DLGAP2: variants seen among roughly 807,000 people sequenced by gnomAD.
DLGAP2 encodes DLG associated protein 2.
A neutral mutation model predicts 100.3 loss-of-function variants in DLGAP2; 26 were observed. The observed-to-expected ratio is 0.26, with a 90% CI of 0.19 to 0.36. The LOEUF (loss-of-function observed/expected upper bound fraction) is 0.36. DLGAP2 is among the 10% of genes least tolerant of loss of function. The pLI, the probability that DLGAP2 is intolerant of heterozygous loss-of-function variation, is 1.00. For missense variants in DLGAP2, 1,858 were observed against 1,453.2 expected (o/e 1.28, Z -4.53); for synonymous variants, 886 against 630.1 (o/e 1.41, Z -6.08).
chr8:1,164,452 G>C (rs114160736), intron 2 of DLGAP2, among the ~76,000 whole-genome samples: 3,538 of 151,926 alleles, frequency 0.023, 178 homozygotes, highest in African/African-American at 0.081. Flanking sequence ...GTCTGGAGGC[G>C]ATGGCCTGGC....
rs1800554702 is a variant in DLGAP2, at chr8:1,520,453, C to A, written c.172+19022C>A. On this transcript the variant is annotated intron_variant, in intron 4 of 14. Transcript: ENST00000637795. ...GTTAGTGACTAAAGCCATCCTTCAT[C>A]CTTCACGTCAGGGGTCACGCTTGGC... Among the ~76,000 whole-genome samples, 4 of 152,320 alleles carry A rather than the reference C, an allele frequency of 2.6e-5. No individual in the cohort carries two copies. The South Asian group carries it at 8.3e-4, about 32-fold the overall frequency.
chr8:1,632,922 G>A lies in DLGAP2; in HGVS notation c.1686G>A (p.Pro562=), dbSNP rs530141986. The A allele has an allele frequency of 1.5e-5, 25 of 1,613,948 alleles. No homozygotes were observed. In the Middle Eastern group the frequency reaches 4.9e-4, roughly 32 times the overall value. ...ESQAMDALDL[P]GCFRTRSHSY... The stretch of plus-strand genomic sequence containing the variant: ...AGGCCATGGATGCCCTCGACCTCCC[G>A]GGATGTTTCCGAACAAGGAGTCACA... Residue 562 remains proline (P), a synonymous_variant, in exon 8 of 15, where the codon CCG becomes CCA. Coordinates refer to ENST00000637795, the MANE Select transcript of DLGAP2 (RefSeq NM_001346810.2).
At chr8:1,375,202 A>C (rs1802361773) in intron 3 of DLGAP2, among the ~76,000 whole-genome samples, 1 of 78,586 alleles carries the variant, frequency 1.3e-5, no homozygotes, top group Non-Finnish European at 2.1e-5. Flanking sequence ...CGGCCTCAGA[A>C]CTGATCCCCC....
chr8:861,632 T>C lies in DLGAP2; in HGVS notation c.19-46280T>C, dbSNP rs561171738. On this transcript the variant is annotated intron_variant, in intron 1 of 14. Coordinates refer to ENST00000637795, the MANE Select transcript of DLGAP2 (RefSeq NM_001346810.2). The stretch of plus-strand genomic sequence containing the variant: ...TTTTTACCTTTAATGTGAAATCAAA[T>C]ATGGAATTCCAAACAACCCAGGAAT... Among the ~76,000 whole-genome samples the C allele has an allele frequency of 2.0e-5, 3 of 152,364 alleles. No individual in the cohort carries two copies. In the East Asian group the frequency reaches 5.8e-4, roughly 29 times the overall value.
chr8:1,668,791 C>A (rs995171449), intron 9 of DLGAP2, 113 bp downstream of exon 9: 8 of 1,002,228 alleles, frequency 8.0e-6, no homozygotes, highest in Non-Finnish European at 1.1e-5. Context: ...ACTGTAACCC[C>A]AGCAGGGCTG....
chr8:813,227 C>T (rs545718757), intron 1 of DLGAP2, among the ~76,000 whole-genome samples: 5 of 151,276 alleles, frequency 3.3e-5, no homozygotes, highest in African/African-American at 4.9e-5. Context: ...TCTGTTATCT[C>T]GTGGATATCC....
intron 3 of DLGAP2, among the ~76,000 whole-genome samples, chr8:1,407,855 T>G (rs1177490929): frequency 1.3e-5 from 2 of 152,186 alleles, no homozygotes; most frequent in Non-Finnish European, 2.9e-5. Context: ...AGTCGTGTAT[T>G]GAGTGCTTAC....
intron 3 of DLGAP2, chr8:1,301,922 G>C (rs1412964629): frequency 1.3e-5 from 2 of 152,414 alleles, no homozygotes; most frequent in Admixed American, 1.3e-4. Flanking sequence ...CCAGGGAGGG[G>C]GGAGGAAGGA....
chr8:1,549,273 C>T lies in DLGAP2; in HGVS notation c.820C>T (p.His274Tyr), dbSNP rs1163289593. The change falls in exon 5 of 15, where the codon CAC (histidine) becomes TAC (tyrosine). Residue 274 changes from histidine (H) to tyrosine (Y), a missense_variant. Physicochemically the swap from His to Tyr is moderately conservative, Grantham distance 83. Coordinates refer to ENST00000637795, the MANE Select transcript of DLGAP2 (RefSeq NM_001346810.2). The stretch of plus-strand genomic sequence containing the variant: ...CCACCACCACGCCCACCACGCCAAG[C>T]ACAGCAAGAGGAGCAAGAGCAAGGA... ...DDHHHAHHAK[H>Y]SKRSKSKERK... 17 of 1,611,562 alleles carry T rather than the reference C, an allele frequency of 1.1e-5. No individual in the cohort carries two copies. Among genetic ancestry groups the T allele is most frequent in the Non-Finnish European group, 1.4e-5 (17 of 1,179,540 alleles).
chr8:834,091 C>T (rs1165731406), intron 1 of DLGAP2, among the ~76,000 whole-genome samples: 1 of 152,158 alleles, frequency 6.6e-6, no homozygotes, highest in Non-Finnish European at 1.5e-5. Context: ...AGGGCTGAAT[C>T]ACGTTCCCAG....
intron 3 of DLGAP2, among the ~76,000 whole-genome samples, chr8:1,363,302 G>C (rs1409404722): frequency 4.0e-5 from 6 of 151,792 alleles, no homozygotes; most frequent in Non-Finnish European, 5.9e-5. Context: ...TCCTGCCTCT[G>C]CCTTGCAGGT....
intron 3 of DLGAP2, among the ~76,000 whole-genome samples, chr8:1,337,092 A>G (rs1461715237): frequency 6.6e-6 from 1 of 152,076 alleles, no homozygotes; most frequent in Non-Finnish European, 1.5e-5. Flanking sequence ...AGAGAGGAGG[A>G]GGAGGTGAAG....
chr8:826,769 C>G (rs149460326), intron 1 of DLGAP2, among the ~76,000 whole-genome samples: 16 of 152,142 alleles, frequency 1.1e-4, no homozygotes, highest in African/African-American at 3.4e-4. Context: ...CTTTGGTGGC[C>G]TACGTGTTCC....
intron 1 of DLGAP2, among the ~76,000 whole-genome samples, chr8:808,404 C>T (rs1007597017): frequency 1.3e-5 from 2 of 152,126 alleles, no homozygotes; most frequent in Non-Finnish European, 2.9e-5. Context: ...GTTCCTGGGT[C>T]TGCTGAGATC....
chr8:1,413,920 T>C (rs1464450285), intron 3 of DLGAP2, among the ~76,000 whole-genome samples: 5 of 152,118 alleles, frequency 3.3e-5, no homozygotes, highest in East Asian at 1.9e-4. Flanking sequence ...ATTTTTTTTT[T>C]CAAAAAGAGC....
intron 3 of DLGAP2, among the ~76,000 whole-genome samples, chr8:1,368,432 G>A (rs944196192): frequency 6.6e-6 from 1 of 152,136 alleles, no homozygotes; most frequent in African/African-American, 2.4e-5. Flanking sequence ...TGCAAGTTGT[G>A]TGGCCACACG....
intron 6 of DLGAP2, among the ~76,000 whole-genome samples, chr8:1,579,393 T>G (rs1386115808): frequency 6.6e-6 from 1 of 152,142 alleles, no homozygotes; most frequent in African/African-American, 2.4e-5. Flanking sequence ...AAGACGTATC[T>G]GGGCATGATT....
rs1563106431 is a variant in DLGAP2 at position 1,363,326 on chromosome 8, C to T, written c.106+104443C>T. 2.0e-5 allele frequency among the ~76,000 whole-genome samples: 3 copies of T among 152,310 alleles called. No individual in the cohort carries two copies. In the East Asian group the frequency reaches 5.8e-4, roughly 30 times the overall value. On this transcript the variant is annotated intron_variant, in intron 3 of 14. Transcript: ENST00000637795. ...TGCCTTGCAGGTCCCACGCCCGTGG[C>T]ATGCTTGCGGCTGTCTCTCCTGCCT... is the stretch of plus-strand genomic sequence containing the variant.
chr8:1,244,876 A>C (rs1372827332), intron 2 of DLGAP2, among the ~76,000 whole-genome samples: 1 of 152,254 alleles, frequency 6.6e-6, no homozygotes, highest in Non-Finnish European at 1.5e-5. Flanking sequence ...TTTGCAAAGC[A>C]TATGTGTAAA....
Sources: gnomAD v4.1 joint callset for allele counts (sites outside exome capture counted in the v4.1 genomes callset) on GRCh38, gnomAD v4.1.1 for gene constraint, MANE v1.5 for transcripts, NCBI Gene and HGNC (gene_info 2026-07-23, HGNC 2026-07-21) for gene names.